VPS13C: variants seen among roughly 807,000 people sequenced by gnomAD.
The protein encoded by VPS13C is intermembrane lipid transfer protein VPS13C.
Under a neutral mutation model 456.8 loss-of-function variants are expected in VPS13C, and 358 were observed. The ratio of observed to expected loss-of-function variants is 0.78; its 90% CI spans 0.72 to 0.86. VPS13C has a LOEUF of 0.86. Among genes scored for constraint, VPS13C ranks in the 40% least tolerant of loss-of-function variants. VPS13C has a pLI of 0.00. For missense variants in VPS13C, 4,818 were observed against 4,385.4 expected, an observed-to-expected ratio of 1.10 and a Z score of -2.79; for synonymous variants, 1,578 against 1,486.7, an observed-to-expected ratio of 1.06 and a Z score of -1.41.
chr15:61,863,298 T>G (rs1301974429), intron 82 of VPS13C, 142 bp downstream of exon 82: 5 of 609,010 alleles, frequency 8.2e-6, no homozygotes, highest in African/African-American at 3.8e-5. Flanking sequence ...TGTATTGTGA[T>G]TCTATGAAAA....
chr15:61,987,174 A>G (rs2046081351), intron 18 of VPS13C, among the ~76,000 whole-genome samples: 1 of 152,032 alleles, frequency 6.6e-6, no homozygotes, highest in Non-Finnish European at 1.5e-5. Context: ...TAAAAGGTAT[A>G]TATAAGTGGA....
intron 5 of VPS13C, among the ~76,000 whole-genome samples, chr15:62,030,884 C>CG (rs2047792559): frequency 4.6e-5 from 7 of 151,958 alleles, no homozygotes; most frequent in East Asian, 1.9e-4. Flanking sequence ...AAGGGACTGC[C>CG]ATTTTTTATC....
chr15:62,005,884 A>G (rs1436919275), intron 15 of VPS13C, among the ~76,000 whole-genome samples: 1 of 150,988 alleles, frequency 6.6e-6, no homozygotes, highest in African/African-American at 2.4e-5. Context: ...TTGTATTTTT[A>G]GTAGAGACGG....
chr15:61,956,238 T>C (rs897260590), intron 37 of VPS13C, among the ~76,000 whole-genome samples: 2 of 150,286 alleles, frequency 1.3e-5, no homozygotes, highest in East Asian at 2.0e-4. Context: ...GAAAACCAAA[T>C]ACCACATGTT....
In VPS13C at chr15:61,904,631, C is replaced by T. The variant is rs181340760; in HGVS notation, c.9105+2633G>A. ...AAAACAGAACTATAATCCGCAATTC[C>T]GCTGCTTGGTATATATCCCAATGAA... On this transcript the variant is annotated intron_variant, in intron 66 of 84. Coordinates refer to ENST00000644861, the MANE Select transcript of VPS13C (RefSeq NM_020821.3). 1.3e-3 allele frequency among the ~76,000 whole-genome samples: 193 copies of T among 152,102 alleles called. 2 individuals are homozygous for T. Among genetic ancestry groups the T allele is most frequent in the East Asian group, 4.1e-3 (21 of 5,184 alleles).
intron 27 of VPS13C, among the ~76,000 whole-genome samples, chr15:61,971,216 C>G (rs7178284): frequency 1.3e-5 from 2 of 152,226 alleles, no homozygotes; most frequent in East Asian, 3.9e-4. Context: ...GTGGAGGATA[C>G]TGAGCAGAGT....
chr15:61,991,694 C>T lies in VPS13C; in HGVS notation c.1462G>A (p.Glu488Lys), dbSNP rs781733192. The T allele has an allele frequency of 5.0e-6, 8 of 1,611,554 alleles. No individual in the cohort carries two copies. The highest frequency in any genetic ancestry group is 2.2e-5 in the South Asian group (2 of 90,444). ...WGKKESKKKD[E>K]ESLIPETIDD... ...TTACTTTCAGGAATCAATGATTCTT[C>T]GTCCTTTTTCTTAGACTCTTTCTTA... Residue 488 changes from glutamate to lysine, a missense_variant, in exon 17 of 85, where the codon GAA (glutamate) becomes AAA (lysine). Around this residue, in one of 3 missense-constraint regions of VPS13C, gnomAD observed 4,552 missense variants for 4,130.6 expected, o/e 1.10. Transcript: ENST00000644861.
intron 52 of VPS13C, among the ~76,000 whole-genome samples, 175 bp downstream of exon 52, chr15:61,926,916 C>T (rs1466278895): frequency 6.6e-6 from 1 of 152,214 alleles, no homozygotes; most frequent in Non-Finnish European, 1.5e-5. Context: ...CTGTCACTAG[C>T]AGCCATGGCT....
At chr15:62,008,862 G>A (rs1028049865) in intron 13 of VPS13C, 101 bp from the exon 14 acceptor site, 1 of 553,396 alleles carries the variant, frequency 1.8e-6, no homozygotes, top group Non-Finnish European at 2.8e-6. Context: ...CAAATACCCT[G>A]AACAATGTTG....
At chr15:62,017,639 G>A (rs1354319864) in intron 9 of VPS13C, among the ~76,000 whole-genome samples, 1 of 152,054 alleles carries the variant, frequency 6.6e-6, no homozygotes, top group Non-Finnish European at 1.5e-5. Context: ...TGTTTCATTG[G>A]TCTGTATCTC....
Position 61,940,711 on chromosome 15 carries a change from A to G in VPS13C, c.5537T>C (p.Leu1846Ser). Residue 1846 changes from leucine (L) to serine (S), a missense_variant, in exon 47 of 85, where the codon TTA (leucine) becomes TCA (serine). Coordinates refer to ENST00000644861, the MANE Select transcript of VPS13C (RefSeq NM_020821.3). ...VNMLLSIQRN[L>S]AAAWYVQIPG... ...AATTTGCACATACCATGCTGCTGCT[A>G]AGTTTCGCTGTATGGACAAAAGCAT... 3 of 1,613,910 alleles carry G rather than the reference A, an allele frequency of 1.9e-6. No homozygotes were observed. Among genetic ancestry groups the G allele is most frequent in the Non-Finnish European group, 2.5e-6 (3 of 1,179,914 alleles).
intron 20 of VPS13C, 85 bp from the exon 21 acceptor site, chr15:61,982,658 C>A (rs1006737876): frequency 3.9e-5 from 35 of 891,520 alleles, no homozygotes; most frequent in Non-Finnish European, 5.9e-5. Flanking sequence ...CAATTCTAAA[C>A]AGCTGTAGCT....
At position 61,934,284 on chromosome 15, in the gene VPS13C, T is replaced by C. The variant is rs750457117; in HGVS notation, c.5803A>G (p.Ser1935Gly). Residue 1935 changes from serine (S) to glycine (G), a missense_variant, in exon 49 of 85, where the codon AGT becomes GGT. Transcript: ENST00000644861. ...DSKLSMNQIV[S>G]LQFDFHFESL... ...TCAAAGTGAAAGTCAAATTGGAGAC[T>C]GACAATCTGGTTCATAGAGAGCTTT... The C allele has an allele frequency of 3.8e-6, 6 of 1,598,030 alleles. No individual in the cohort carries two copies. The highest frequency in any genetic ancestry group is 5.1e-6 in the Non-Finnish European group (6 of 1,171,186).
intron 67 of VPS13C, among the ~76,000 whole-genome samples, chr15:61,888,122 A>T (rs902439059): frequency 6.6e-6 from 1 of 152,178 alleles, no homozygotes; most frequent in Non-Finnish European, 1.5e-5. Context: ...TCATCAGAAA[A>T]CCGCAAAGTA....
chr15:61,878,838 G>T lies in VPS13C; in HGVS notation c.10003-92C>A, dbSNP rs1895651587. 2.2e-6 allele frequency: 3 copies of T among 1,372,562 alleles called. No homozygotes were observed. In the East Asian group the frequency reaches 7.6e-5, roughly 35 times the overall value. The allele number at this position is 1,372,562 out of a possible 1,614,324, so 85.0% of individuals were successfully genotyped here. ...GTAGTCCAGAAACAAACCAAAAAAA[G>T]TCTTTCGATTAGAGTCCTAGTGAAA... On this transcript the variant is annotated intron_variant, in intron 73 of 84. Coordinates refer to ENST00000644861, the MANE Select transcript of VPS13C (RefSeq NM_020821.3).
At position 62,020,349 on chromosome 15, in the gene VPS13C, T is replaced by C. The variant is rs2047417515; in HGVS notation, c.684+130A>G. ...AAAAATGTTAAACTTCTAGAAAAGT[T>C]GTTTAGCATGATAATATATTTAAAA... On this transcript the variant is annotated intron_variant, in intron 9 of 84. Coordinates refer to ENST00000644861, the MANE Select transcript of VPS13C (RefSeq NM_020821.3). The C allele has an allele frequency of 4.6e-6, 3 of 648,624 alleles. No individual in the cohort carries two copies. In the African/African-American group the frequency reaches 5.7e-5, roughly 12 times the overall value. The allele number at this position is 648,624 out of a possible 1,614,324, so 40.2% of individuals were successfully genotyped here. A position where few individuals can be genotyped will look rare whatever the true frequency, so the allele number is the denominator to read the frequency against.
intron 18 of VPS13C, among the ~76,000 whole-genome samples, chr15:61,990,506 A>G (rs1429044557): frequency 6.6e-6 from 1 of 152,134 alleles, no homozygotes. Flanking sequence ...TGTTCACTAA[A>G]ACTACTTAAA....
At chr15:61,854,668 T>A in intron 84 of VPS13C, 110 bp from the exon 85 acceptor site, 1 of 1,203,684 alleles carries the variant, frequency 8.3e-7, no homozygotes, top group Non-Finnish European at 1.2e-6. Context: ...GACCAACAGC[T>A]AAGGACCAAG....
chr15:61,974,401 C>T lies in VPS13C; in HGVS notation c.2425G>A (p.Gly809Arg). The T allele has an allele frequency of 6.2e-7, 1 of 1,612,016 alleles. No homozygotes were observed. ...IRMARFKVSG[G>R]LPLMHVRISD... is the part of the protein sequence containing the mutation. ...ATTCTCACATGCATCAAAGGAAGTC[C>T]TCCTGACACTTTAAATCTAAAAATA... is the stretch of plus-strand genomic sequence containing the variant. Residue 809 changes from glycine to arginine, a missense_variant, in exon 25 of 85, where the codon GGA becomes AGA. Physicochemically the swap from Gly to Arg is moderately radical, Grantham distance 125. Coordinates refer to ENST00000644861, the MANE Select transcript of VPS13C (RefSeq NM_020821.3).
Sources: gnomAD v4.1 joint callset for allele counts (sites outside exome capture counted in the v4.1 genomes callset) on GRCh38, gnomAD v4.1.1 for gene constraint, gnomAD v4.1.1 regional missense constraint, MANE v1.5 for transcripts, NCBI Gene and HGNC (gene_info 2026-07-23, HGNC 2026-07-21) for gene names.